Variants in ANKRD46 observed in about 807,000 individuals in gnomAD.
ANKRD46 encodes ankyrin repeat domain-containing protein 46.
Under a neutral mutation model 19.8 loss-of-function variants are expected in ANKRD46, and 13 were observed. That is an observed-to-expected ratio of 0.66 (90% CI 0.43 to 1.04). The LOEUF (loss-of-function observed/expected upper bound fraction) is 1.04, where lower values mean the gene tolerates loss of function less well. ANKRD46 is among the 50% of genes least tolerant of loss of function. The pLI is 0.00. For synonymous variants in ANKRD46, 91 were observed against 106.9 expected, an observed-to-expected ratio of 0.85 and a Z score of 0.92; for missense variants, 185 against 274.8, an observed-to-expected ratio of 0.67 and a Z score of 2.31.
chr8:100,515,659 GGA>G (rs1491213304), intron 5 of ANKRD46, among the ~76,000 whole-genome samples: 1 of 150,644 alleles, frequency 6.6e-6, no homozygotes, highest in African/African-American at 2.5e-5. Context: ...GAGGTGCGGG[GGA>G]GGGGGGGGGC....
chr8:100,550,851 T>G lies in ANKRD46; in HGVS notation c.-131+8860A>C, dbSNP rs1586802837. The G allele has an allele frequency of 2.1e-6, 1 of 479,518 alleles. No homozygotes were observed. The highest frequency in any genetic ancestry group is 2.0e-5 in the African/African-American group (1 of 50,710). The allele number at this position is 479,518 out of a possible 1,614,324, so 29.7% of individuals were successfully genotyped here. On this transcript the variant is annotated intron_variant, in intron 1 of 4. Coordinates refer to ENST00000335659, the MANE Select transcript of ANKRD46 (RefSeq NM_001270377.2). This position sits in a 1 kb window ranked among gnomAD's most constrained non-coding sequence, Gnocchi z 4.4. ...AGCCCCAGCATCGAAAGTGGAAGAG[T>G]GAGTGTCACTGTTAAAGTCAGAGGA...
At chr8:100,517,219 G>A (rs779256012), downstream of ANKRD46, among the ~76,000 whole-genome samples, 6 of 152,274 alleles carry the variant, frequency 3.9e-5, no homozygotes, top group Admixed American at 6.5e-5. Flanking sequence ...AACTCAAGGC[G>A]GTTTCTACAA....
chr8:100,528,005 TAAAA>T lies in ANKRD46; in HGVS notation c.312-6_312-3del, dbSNP rs746946951. ...AAAGGGGTAGCACCTTGATGATTGC[TAAAA>T]AAAAAAAAAAAAAAAAAAGTTTATA... On this transcript the variant is annotated splice_region_variant and splice_polypyrimidine_tract_variant and intron_variant, in intron 3 of 4. Coordinates refer to ENST00000335659, the MANE Select transcript of ANKRD46 (RefSeq NM_001270377.2). The T allele has an allele frequency of 5.3e-4, 615 of 1,161,036 alleles. No homozygotes were observed. The highest frequency in any genetic ancestry group is 1.4e-3 in the South Asian group (48 of 33,668). The allele number at this position is 1,161,036 out of a possible 1,614,324, so 71.9% of individuals were successfully genotyped here.
chr8:100,522,323 C>A lies in ANKRD46; in HGVS notation c.*232G>T. 7.4e-7 allele frequency: 1 copy of A among 1,346,660 alleles called. No individual in the cohort carries two copies. Among genetic ancestry groups the A allele is most frequent in the Non-Finnish European group, 9.5e-7 (1 of 1,047,592 alleles). 83.4% of individuals were successfully genotyped at this position (1,346,660 alleles called of 1,614,324 possible). ...CAAACAAGGCTACGTGTAGGCTTTCCTACAAAGTCAGGTTGAGTCAGAGGT... is the reference window on the plus strand; with the variant it reads ...CAAACAAGGCTACGTGTAGGCTTTCATACAAAGTCAGGTTGAGTCAGAGGT... On this transcript the variant is annotated 3_prime_UTR_variant, in exon 5 of 5. Transcript: ENST00000335659.
At position 100,536,972 on chromosome 8, in the gene ANKRD46, C is replaced by T. The variant is rs534998014; in HGVS notation, c.-130-3661G>A. Among the ~76,000 whole-genome samples, 15 of 152,288 alleles carry T rather than the reference C, an allele frequency of 9.8e-5. No homozygotes were observed. Among genetic ancestry groups the T allele is most frequent in the African/African-American group, 3.1e-4 (13 of 41,560 alleles). ...GTCACTTAGATCGCGGCAACAAGAGCTTCTTATGTCAACCAGCGTGATTGT... is the reference window on the plus strand; with the variant it reads ...GTCACTTAGATCGCGGCAACAAGAGTTTCTTATGTCAACCAGCGTGATTGT... On this transcript the variant is annotated intron_variant, in intron 1 of 4. Transcript: ENST00000335659. The surrounding 1 kb of genome is among the most constrained non-coding windows in gnomAD (Gnocchi z 4.9).
At chr8:100,541,299 A>C (rs117757676) in intron 1 of ANKRD46, among the ~76,000 whole-genome samples, 1 of 152,142 alleles carries the variant, frequency 6.6e-6, no homozygotes, top group Non-Finnish European at 1.5e-5. Context: ...GTTTCAAAAT[A>C]TAAGAATTGT....
exon 6 of ANKRD46, chr8:100,509,908 G>C (rs887049569): frequency 6.6e-6 from 1 of 152,242 alleles, no homozygotes; most frequent in Non-Finnish European, 1.5e-5. Context: ...CTGGGTCACG[G>C]AGAGTCTCCT....
In ANKRD46 at chr8:100,521,943, G is replaced by T; in HGVS notation, c.*612C>A. The T allele has an allele frequency of 1.0e-6, 1 of 981,684 alleles. No homozygotes were observed. Among genetic ancestry groups the T allele is most frequent in the Non-Finnish European group, 1.2e-6 (1 of 826,646 alleles). The allele number at this position is 981,684 out of a possible 1,614,324, so 60.8% of individuals were successfully genotyped here. On this transcript the variant is annotated 3_prime_UTR_variant, in exon 5 of 5. Coordinates refer to ENST00000335659, the MANE Select transcript of ANKRD46 (RefSeq NM_001270377.2). ...TTATCCTAAAAACAAATAAATATAA[G>T]ATCAAATCAATTATCTTTGAACAAA...
intron 5 of ANKRD46, among the ~76,000 whole-genome samples, chr8:100,513,196 A>G (rs1811575678): frequency 1.3e-5 from 2 of 152,226 alleles, no homozygotes; most frequent in African/African-American, 4.8e-5. Flanking sequence ...CCTACAGAGC[A>G]CCAGGTCCTT....
intron 1 of ANKRD46, among the ~76,000 whole-genome samples, chr8:100,558,263 T>C (rs955343603): frequency 6.6e-6 from 1 of 152,214 alleles, no homozygotes; most frequent in African/African-American, 2.4e-5. Context: ...ATGCCAAAAA[T>C]TCCTTATCAC....
chr8:100,510,224 G>T lies in ANKRD46; in HGVS notation c.*353C>A, dbSNP rs1811529006. On this transcript the variant is annotated 3_prime_UTR_variant, in exon 6 of 6. Transcript: ENST00000520552. The surrounding 1 kb of genome is among the most constrained non-coding windows in gnomAD (Gnocchi z 4.9). ...AAAACAGCATGACATCACCCGCCTG[G>T]GAGTTGTCATTTCAGACACCACGGC... 1 of 237,020 alleles carries T rather than the reference G, an allele frequency of 4.2e-6. No homozygotes were observed. 14.7% of individuals were successfully genotyped at this position (237,020 alleles called of 1,614,324 possible). A position where few individuals can be genotyped will look rare whatever the true frequency, so the allele number is the denominator to read the frequency against.
At position 100,510,632 on chromosome 8, in the gene ANKRD46, G is replaced by A; in HGVS notation, c.644C>T (p.Thr215Ile). The A allele has an allele frequency of 6.5e-7, 1 of 1,534,372 alleles. No homozygotes were observed. Among genetic ancestry groups the A allele is most frequent in the Non-Finnish European group, 8.7e-7 (1 of 1,146,040 alleles). Residue 215 changes from threonine (T) to isoleucine (I), a missense_variant, in exon 6 of 6, where the codon ACA (threonine) becomes ATA (isoleucine). Physicochemically the swap from Thr to Ile is moderately conservative, Grantham distance 89 (BLOSUM62 -1). Coordinates refer to the ANKRD46 transcript ENST00000520552. The surrounding 1 kb of genome is among the most constrained non-coding windows in gnomAD (Gnocchi z 4.9). ...CCTTGCAAAGCTTCCAAGCCTCAGTGTCCTTCTCTGTAAATGTGGGGAAGA... is the reference window on the plus strand; with the variant it reads ...CCTTGCAAAGCTTCCAAGCCTCAGTATCCTTCTCTGTAAATGTGGGGAAGA...
At chr8:100,520,730 C>A (rs2130637423), downstream of ANKRD46, 1 of 818,020 alleles carries the variant, frequency 1.2e-6, no homozygotes, top group South Asian at 5.7e-5. Flanking sequence ...CAAATTAAAA[C>A]TATAATACAC....
rs937055195 is a variant in ANKRD46, at chr8:100,529,006, G to C, written c.311+517C>G. ...GGAGATTATGAAGCTCACATGGTGC[G>C]TTACATGACAGAAGGCACACAAGCG... On this transcript the variant is annotated intron_variant, in intron 3 of 4. Coordinates refer to ENST00000335659, the MANE Select transcript of ANKRD46 (RefSeq NM_001270377.2). This position sits in a 1 kb window ranked among gnomAD's most constrained non-coding sequence, Gnocchi z 5.8. Among the ~76,000 whole-genome samples, 1 of 152,136 alleles carries C rather than the reference G, an allele frequency of 6.6e-6. No individual in the cohort carries two copies.
rs1013188151 is a variant in ANKRD46, at chr8:100,544,179, T to G, written c.-130-10868A>C. On this transcript the variant is annotated intron_variant, in intron 1 of 4. Coordinates refer to ENST00000335659, the MANE Select transcript of ANKRD46 (RefSeq NM_001270377.2). The surrounding 1 kb of genome is among the most constrained non-coding windows in gnomAD (Gnocchi z 4.4). ...TTTGGCTACCCCAAGCAGCAAGAAA[T>G]CTGCCCATACAACCATCCCTAACTC... 2.0e-5 allele frequency among the ~76,000 whole-genome samples: 3 copies of G among 152,194 alleles called. No homozygotes were observed. The highest frequency in any genetic ancestry group is 7.2e-5 in the African/African-American group (3 of 41,448).
Position 100,521,953 on chromosome 8 carries a change from A to C in ANKRD46, c.*602T>G. The C allele has an allele frequency of 6.1e-6, 6 of 982,404 alleles. No homozygotes were observed. Among genetic ancestry groups the C allele is most frequent in the Non-Finnish European group, 7.3e-6 (6 of 827,168 alleles). The allele number at this position is 982,404 out of a possible 1,614,324, so 60.9% of individuals were successfully genotyped here. ...AACAAATAAATATAAGATCAAATCAATTATCTTTGAACAAAATATAGCTCA... is the reference window on the plus strand; with the variant it reads ...AACAAATAAATATAAGATCAAATCACTTATCTTTGAACAAAATATAGCTCA... On this transcript the variant is annotated 3_prime_UTR_variant, in exon 5 of 5. Transcript: ENST00000335659.
At chr8:100,514,238 C>T (rs1274175225) in intron 5 of ANKRD46, among the ~76,000 whole-genome samples, 1 of 152,048 alleles carries the variant, frequency 6.6e-6, no homozygotes, top group Non-Finnish European at 1.5e-5. Flanking sequence ...ATGTTGCATA[C>T]CATAAAATTG....
At chr8:100,541,527 G>A in intron 1 of ANKRD46, among the ~76,000 whole-genome samples, 1 of 152,108 alleles carries the variant, frequency 6.6e-6, no homozygotes, top group East Asian at 1.9e-4. Context: ...GCCTACACAA[G>A]CCTAGAGGAT....
rs746946951 is a variant in ANKRD46 at position 100,528,005 on chromosome 8, T to TAAA, written c.312-5_312-3dup. 5.2e-4 allele frequency: 600 copies of TAAA among 1,164,290 alleles called. No homozygotes were observed. The highest frequency in any genetic ancestry group is 2.9e-3 in the South Asian group (99 of 33,902). The allele number at this position is 1,164,290 out of a possible 1,614,324, so 72.1% of individuals were successfully genotyped here. ...AAAGGGGTAGCACCTTGATGATTGC[T>TAAA]AAAAAAAAAAAAAAAAAAAAAAGTT... On this transcript the variant is annotated splice_region_variant and splice_polypyrimidine_tract_variant and intron_variant, in intron 3 of 4. Coordinates refer to ENST00000335659, the MANE Select transcript of ANKRD46 (RefSeq NM_001270377.2).
Sources: allele counts gnomAD v4.1 joint callset (sites outside exome capture counted in the v4.1 genomes callset), GRCh38; gene constraint gnomAD v4.1.1; non-coding constraint Gnocchi (gnomAD v3.1); transcripts MANE v1.5; gene names NCBI Gene and HGNC (gene_info 2026-07-23, HGNC 2026-07-21).